RFX7: variants seen among roughly 807,000 people sequenced by gnomAD.
RFX7 encodes regulatory factor X7.
RFX7 carries 26 observed loss-of-function variants against 111.8 expected under a neutral mutation model. The observed-to-expected ratio is 0.23, with a 90% CI of 0.17 to 0.32. The LOEUF (loss-of-function observed/expected upper bound fraction) is 0.32, where lower values mean the gene tolerates loss of function less well. Ranked by LOEUF, RFX7 falls within the 10% of genes least tolerant of loss-of-function variation. RFX7 has a pLI of 1.00. For synonymous variants in RFX7, 624 were observed against 624.4 expected (o/e 1.00, Z 0.01); for missense variants, 1,573 against 1,772.9 (o/e 0.89, Z 2.02).
At chr15:56,144,114 T>G (rs1454112541) in intron 4 of RFX7, among the ~76,000 whole-genome samples, 3 of 152,190 alleles carry the variant, frequency 2.0e-5, no homozygotes, top group Admixed American at 2.0e-4. Flanking sequence ...TGTTCAATTT[T>G]CACAATCCCT....
intron 3 of RFX7, among the ~76,000 whole-genome samples, chr15:56,170,249 TA>T (rs1337065697): frequency 1.3e-5 from 2 of 152,022 alleles, no homozygotes; most frequent in Non-Finnish European, 2.9e-5. Flanking sequence ...ACAAATAAGG[TA>T]AGGATATAAT....
chr15:56,226,325 G>A (rs892199234), intron 2 of RFX7, among the ~76,000 whole-genome samples: 1 of 152,146 alleles, frequency 6.6e-6, no homozygotes, highest in Admixed American at 6.5e-5. Context: ...ATCAGGAAAG[G>A]TGGGGAATTC....
intron 5 of RFX7, among the ~76,000 whole-genome samples, chr15:56,129,384 A>AG (rs2042184610): frequency 6.6e-6 from 1 of 152,156 alleles, no homozygotes; most frequent in Non-Finnish European, 1.5e-5. Context: ...TCAAAAAAAA[A>AG]AAAAAAAGTT....
chr15:56,169,758 C>G (rs1309793395), intron 3 of RFX7, among the ~76,000 whole-genome samples: 1 of 128,828 alleles, frequency 7.8e-6, no homozygotes, highest in Non-Finnish European at 1.6e-5. Flanking sequence ...TTCACCTGCT[C>G]AAATCCTTCC....
At chr15:56,130,564 T>C (rs576432194) in intron 5 of RFX7, among the ~76,000 whole-genome samples, 1 of 151,956 alleles carries the variant, frequency 6.6e-6, no homozygotes, top group Admixed American at 6.5e-5. Flanking sequence ...AGAGGCAAAT[T>C]CATAGATATA....
intron 8 of RFX7, among the ~76,000 whole-genome samples, chr15:56,099,987 T>A (rs1340113603): frequency 6.6e-6 from 1 of 152,218 alleles, no homozygotes; most frequent in Admixed American, 6.5e-5. Context: ...ATCCTTCATC[T>A]GTTGATGTAC....
chr15:56,124,257 C>T lies in RFX7; in HGVS notation c.401+18521G>A, dbSNP rs1427946023. On this transcript the variant is annotated intron_variant, in intron 5 of 9. Coordinates refer to ENST00000559447, the MANE Select transcript of RFX7 (RefSeq NM_022841.7). ...CTAACACGGTGAAACCCTGCCTCTACTAAAAATACAAAAAATTAGCCAGGC... is the reference window on the plus strand; with the variant it reads ...CTAACACGGTGAAACCCTGCCTCTATTAAAAATACAAAAAATTAGCCAGGC... Among the ~76,000 whole-genome samples, 4 of 152,104 alleles carry T rather than the reference C, an allele frequency of 2.6e-5. No individual in the cohort carries two copies. In the East Asian group the frequency reaches 5.8e-4, roughly 22 times the overall value.
At chr15:56,184,144 T>A (rs1174949503) in intron 2 of RFX7, among the ~76,000 whole-genome samples, 4 of 151,090 alleles carry the variant, frequency 2.6e-5, no homozygotes, top group African/African-American at 9.7e-5. Flanking sequence ...CTCAGCCTCC[T>A]GAGTAGCTGG....
At position 56,090,339 on chromosome 15, in the gene RFX7, T is replaced by G. The variant is rs1391330827; in HGVS notation, c.*3006A>C. 6.6e-6 allele frequency: 1 copy of G among 152,110 alleles called. No individual in the cohort carries two copies. Among genetic ancestry groups the G allele is most frequent in the Non-Finnish European group, 1.5e-5 (1 of 68,020 alleles). The allele number at this position is 152,110 out of a possible 1,614,324, so 9.4% of individuals were successfully genotyped here. A position where few individuals can be genotyped will look rare whatever the true frequency, so the allele number is the denominator to read the frequency against. Reference sequence around the variant, plus strand: ...AATAATCTTAAGTGAACAACAGAGTTTTGATGAATGAACTAAGATCTGTGT... The same window carrying G: ...AATAATCTTAAGTGAACAACAGAGTGTTGATGAATGAACTAAGATCTGTGT... On this transcript the variant is annotated 3_prime_UTR_variant, in exon 10 of 10. Coordinates refer to ENST00000559447, the MANE Select transcript of RFX7 (RefSeq NM_022841.7).
At position 56,101,434 on chromosome 15, in the gene RFX7, G is replaced by C. The variant is rs560609214; in HGVS notation, c.736C>G (p.Arg246Gly). 2 of 1,613,134 alleles carry C rather than the reference G, an allele frequency of 1.2e-6. No homozygotes were observed. Among genetic ancestry groups the C allele is most frequent in the Non-Finnish European group, 1.7e-6 (2 of 1,179,616 alleles). The change falls in exon 8 of 10, where the codon CGC becomes GGC. Residue 246 changes from arginine (R) to glycine (G), a missense_variant. Physicochemically the swap from Arg to Gly is moderately radical, Grantham distance 125. This residue lies in a region of RFX7 where 288 missense variants were observed against 337.9 expected (regional missense o/e 0.85). Transcript: ENST00000559447. ...QPFDTVLELARFLVKSHYIGT... is the reference protein window; with the variant it reads ...QPFDTVLELAGFLVKSHYIGT... ...ATATAGTGACTTTTTACAAGGAAGC[G>C]GGCTAATTCCAAGACGGTGTCAAAT... is the stretch of plus-strand genomic sequence containing the variant.
rs188595017 is a variant in RFX7, at chr15:56,221,767, T to C, written c.161+21358A>G. 5.6e-3 allele frequency among the ~76,000 whole-genome samples: 858 copies of C among 152,314 alleles called. 7 individuals are homozygous for C. Among genetic ancestry groups the C allele is most frequent in the African/African-American group, 0.02 (829 of 41,560 alleles). On this transcript the variant is annotated intron_variant, in intron 2 of 9. Transcript: ENST00000559447. ...TATCACAGTCTACCTTCACTTAATA[T>C]TGTAAGTTCATCATCTTACAACAGT... is the stretch of plus-strand genomic sequence containing the variant.
intron 5 of RFX7, among the ~76,000 whole-genome samples, chr15:56,137,968 T>C (rs1328216914): frequency 1.3e-5 from 2 of 151,948 alleles, no homozygotes; most frequent in African/African-American, 2.4e-5. Context: ...GATTGCACTG[T>C]GGTCTGAGAG....
chr15:56,236,609 T>C (rs981448094), intron 2 of RFX7, among the ~76,000 whole-genome samples: 1 of 152,224 alleles, frequency 6.6e-6, no homozygotes, highest in African/African-American at 2.4e-5. Flanking sequence ...TATTAAAATA[T>C]CTATCCTAGA....
intron 2 of RFX7, among the ~76,000 whole-genome samples, chr15:56,189,185 G>C (rs1242357027): frequency 6.6e-6 from 1 of 152,124 alleles, no homozygotes; most frequent in Non-Finnish European, 1.5e-5. Context: ...CCAGGAGTTT[G>C]AGACCAGCCT....
intron 8 of RFX7, among the ~76,000 whole-genome samples, chr15:56,099,798 A>G (rs2041729430): frequency 6.6e-6 from 1 of 152,198 alleles, no homozygotes; most frequent in South Asian, 2.1e-4. Context: ...GATTGCTTTC[A>G]AAAATGGAGT....
At chr15:56,179,325 G>A (rs540454976) in intron 2 of RFX7, 22 bp from the exon 3 acceptor site, 2 of 1,232,776 alleles carry the variant, frequency 1.6e-6, no homozygotes, top group East Asian at 5.1e-5. Flanking sequence ...AGAAAGTTAG[G>A]TTAGTAAAAT....
chr15:56,222,276 C>T (rs1183456301), intron 2 of RFX7, among the ~76,000 whole-genome samples: 1 of 152,038 alleles, frequency 6.6e-6, no homozygotes, highest in Non-Finnish European at 1.5e-5. Flanking sequence ...CCATTCCTGC[C>T]CCTCTAGCTG....
chr15:56,224,341 G>T (rs1361610207), intron 2 of RFX7, among the ~76,000 whole-genome samples: 3 of 151,822 alleles, frequency 2.0e-5, no homozygotes, highest in Non-Finnish European at 4.4e-5. Context: ...TCTCAGAAAG[G>T]CTAAAAAACA....
At position 56,093,435 on chromosome 15, in the gene RFX7, T is replaced by C. The variant is rs776565931; in HGVS notation, c.4293A>G (p.Gln1431=). 4 of 1,613,756 alleles carry C rather than the reference T, an allele frequency of 2.5e-6. No homozygotes were observed. The highest frequency in any genetic ancestry group is 3.4e-6 in the Non-Finnish European group (4 of 1,179,760). The stretch of plus-strand genomic sequence containing the variant: ...TAGAATTCATGGATTCACTGCAAAT[T>C]TGTTGAAATAATGGGTCATTCTTTA... The part of the protein sequence containing the change: ...EELKNDPLFQ[Q]ICSESMNSMT... Residue 1431 remains glutamine, a synonymous_variant, in exon 10 of 10, where the codon CAA becomes CAG. Coordinates refer to ENST00000559447, the MANE Select transcript of RFX7 (RefSeq NM_022841.7).
Sources: gnomAD v4.1 joint callset for allele counts (sites outside exome capture counted in the v4.1 genomes callset) on GRCh38, gnomAD v4.1.1 for gene constraint, gnomAD v4.1.1 regional missense constraint, MANE v1.5 for transcripts, NCBI Gene and HGNC (gene_info 2026-07-23, HGNC 2026-07-21) for gene names.